COL4A4: variants seen among roughly 807,000 people sequenced by gnomAD.
The protein encoded by COL4A4 is collagen alpha-4(IV) chain.
In COL4A4, 105 loss-of-function variants were observed where a neutral mutation model predicts 192.9. The ratio of observed to expected loss-of-function variants is 0.54; its 90% CI spans 0.46 to 0.64. COL4A4 has a LOEUF of 0.64. Among genes scored for constraint, COL4A4 ranks in the 30% least tolerant of loss-of-function variants. COL4A4 has a pLI of 0.00. For missense variants in COL4A4, 1,967 were observed against 2,169.3 expected (o/e 0.91, Z 1.85); for synonymous variants, 762 against 769.9 (o/e 0.99, Z 0.17).
Position 227,108,636 on chromosome 2 carries a change from G to A in COL4A4, c.694-14C>T. The A allele has an allele frequency of 1.2e-6, 2 of 1,613,750 alleles. No homozygotes were observed. Among genetic ancestry groups the A allele is most frequent in the Non-Finnish European group, 1.7e-6 (2 of 1,179,730 alleles). ...ACCGGGATTTCCCTGAGAAAGAAAT[G>A]AAAAAGAATCTAATTGCTTTTGAAT... is the stretch of plus-strand genomic sequence containing the variant. On this transcript the variant is annotated splice_polypyrimidine_tract_variant and intron_variant, in intron 11 of 47. Coordinates refer to ENST00000396625, the MANE Select transcript of COL4A4 (RefSeq NM_000092.5).
intron 44 of COL4A4, among the ~76,000 whole-genome samples, chr2:227,021,310 C>T (rs35116642): frequency 0.083 from 12,630 of 152,154 alleles, 685 homozygotes; most frequent in Non-Finnish European, 0.12. Flanking sequence ...ACAGCAAGAC[C>T]CTATTTTTCC....
At chr2:227,085,212 G>A (rs1262929441) in intron 22 of COL4A4, among the ~76,000 whole-genome samples, 2 of 152,110 alleles carry the variant, frequency 1.3e-5, no homozygotes, top group South Asian at 2.1e-4. Flanking sequence ...TCTAGATAAG[G>A]GACATCAACT....
the COL4A4 span, among the ~76,000 whole-genome samples, chr2:226,993,295 C>T: frequency 2.0e-5 from 3 of 152,212 alleles, no homozygotes; most frequent in African/African-American, 7.2e-5. Context: ...GGTTTCTGCC[C>T]TGTGGCCTGG....
intron 37 of COL4A4, among the ~76,000 whole-genome samples, chr2:227,038,877 T>C (rs1970239974): frequency 6.6e-6 from 1 of 152,250 alleles, no homozygotes; most frequent in South Asian, 2.1e-4. Flanking sequence ...AATGAATTTA[T>C]ACTGCAGATG....
rs1309004716 is a variant in COL4A4, at chr2:227,094,062, A to G, written c.1369+63T>C. 3 of 1,407,562 alleles carry G rather than the reference A, an allele frequency of 2.1e-6. No individual in the cohort carries two copies. The East Asian group carries it at 6.8e-5, about 32-fold the overall frequency. The allele number at this position is 1,407,562 out of a possible 1,614,324, so 87.2% of individuals were successfully genotyped here. On this transcript the variant is annotated intron_variant, in intron 20 of 47. Coordinates refer to ENST00000396625, the MANE Select transcript of COL4A4 (RefSeq NM_000092.5). ...AATATTTTAAAAACTATGCTTTCTTAGTGGCACTGCAAATATCAAAAGCAG... is the reference window on the plus strand; with the variant it reads ...AATATTTTAAAAACTATGCTTTCTTGGTGGCACTGCAAATATCAAAAGCAG...
At chr2:227,041,906 G>GAAAGAAAA (rs1971506699) in intron 37 of COL4A4, among the ~76,000 whole-genome samples, 1 of 149,496 alleles carries the variant, frequency 6.7e-6, no homozygotes, top group African/African-American at 2.5e-5. Flanking sequence ...AAGAAAGAAA[G>GAAAGAAAA]AAAGAAAGAA....
the COL4A4 span, among the ~76,000 whole-genome samples, chr2:226,981,589 TTCTC>T: frequency 1.2e-3 from 168 of 135,402 alleles, no homozygotes; most frequent in African/African-American, 5.2e-3. Flanking sequence ...CACACACACT[TTCTC>T]TAATGGGGAA....
At chr2:227,133,248 G>A (rs1411496994) in intron 4 of COL4A4, among the ~76,000 whole-genome samples, 9 of 152,188 alleles carry the variant, frequency 5.9e-5, no homozygotes. Context: ...GGGCAGATGT[G>A]CCCAAAACTG....
chr2:227,159,422 C>A (rs2222869), intron 1 of COL4A4, among the ~76,000 whole-genome samples: 74,271 of 152,052 alleles, frequency 0.49, 19,388 homozygotes, highest in East Asian at 0.61. Flanking sequence ...GTGGATGCAT[C>A]GGCAAAACTT....
intron 4 of COL4A4, among the ~76,000 whole-genome samples, chr2:227,133,390 C>A (rs1440416996): frequency 6.6e-6 from 1 of 152,216 alleles, no homozygotes; most frequent in Non-Finnish European, 1.5e-5. Context: ...AGCTTCTTTT[C>A]TCTCTTTTCT....
chr2:227,053,765 C>T (rs1974687150), intron 31 of COL4A4, among the ~76,000 whole-genome samples: 1 of 152,012 alleles, frequency 6.6e-6, no homozygotes, highest in African/African-American at 2.4e-5. Context: ...CCAGGATGGT[C>T]TCGATCTCCT....
chr2:227,041,835 A>AG (rs1971223770), intron 37 of COL4A4, among the ~76,000 whole-genome samples: 2 of 42,838 alleles, frequency 4.7e-5, no homozygotes, highest in Non-Finnish European at 8.3e-5. Flanking sequence ...AAAGAAAGAA[A>AG]GAAAGAAAGA....
At chr2:227,078,143 G>T (rs1274312655) in intron 24 of COL4A4, 66 bp from the exon 25 acceptor site, 7 of 1,545,610 alleles carry the variant, frequency 4.5e-6, no homozygotes, top group Non-Finnish European at 1.8e-6. Context: ...AGCAGTCATT[G>T]TAGGTTACAG....
chr2:226,999,725 T>C (rs532721639), downstream of COL4A4, among the ~76,000 whole-genome samples: 5 of 152,280 alleles, frequency 3.3e-5, no homozygotes, highest in Admixed American at 2.6e-4. Flanking sequence ...TGTCATAAAA[T>C]CAATGGCATC....
At chr2:227,126,849 G>C (rs2062119940) in intron 4 of COL4A4, among the ~76,000 whole-genome samples, 1 of 152,022 alleles carries the variant, frequency 6.6e-6, no homozygotes, top group South Asian at 2.1e-4. Context: ...TAAAAGAATG[G>C]GTCAGTAAAA....
At chr2:227,150,235 T>G (rs1162990418) in intron 1 of COL4A4, among the ~76,000 whole-genome samples, 3 of 152,130 alleles carry the variant, frequency 2.0e-5, no homozygotes, top group African/African-American at 7.2e-5. Flanking sequence ...TAACTGGCCT[T>G]GGGAAAAGTG....
At chr2:227,041,272 T>C (rs1459355789) in intron 37 of COL4A4, among the ~76,000 whole-genome samples, 1 of 152,106 alleles carries the variant, frequency 6.6e-6, no homozygotes, top group African/African-American at 2.4e-5. Flanking sequence ...GAATCTAGGA[T>C]AGTAGGAGCT....
intron 19 of COL4A4, among the ~76,000 whole-genome samples, chr2:227,097,258 T>C (rs1012418013): frequency 1.3e-5 from 2 of 152,162 alleles, no homozygotes; most frequent in Non-Finnish European, 2.9e-5. Flanking sequence ...ATGAAGTCAA[T>C]AGAGTAAGTT....
intron 4 of COL4A4, among the ~76,000 whole-genome samples, chr2:227,137,313 C>T (rs1361836183): frequency 6.6e-6 from 1 of 152,144 alleles, no homozygotes; most frequent in Non-Finnish European, 1.5e-5. Context: ...AAGTGGCAAC[C>T]CAAGTTTACA....
Sources: gnomAD v4.1 joint callset for allele counts (sites outside exome capture counted in the v4.1 genomes callset) on GRCh38, gnomAD v4.1.1 for gene constraint, MANE v1.5 for transcripts, NCBI Gene and HGNC (gene_info 2026-07-23, HGNC 2026-07-21) for gene names.